The following RRP12 variants were observed in gnomAD, a reference collection of about 807,000 sequenced individuals.
RRP12 encodes the protein RRP12-like protein.
RRP12 carries 78 observed loss-of-function variants against 157.3 expected under a neutral mutation model. The ratio of observed to expected loss-of-function variants is 0.50; its 90% CI spans 0.41 to 0.60. The LOEUF (loss-of-function observed/expected upper bound fraction) is 0.60, where lower values mean the gene tolerates loss of function less well. RRP12 is among the 20% of genes least tolerant of loss of function. RRP12 has a pLI of 0.00. For synonymous variants in RRP12, 726 were observed against 670.9 expected, an observed-to-expected ratio of 1.08 and a Z score of -1.27; for missense variants, 1,521 against 1,679.9, an observed-to-expected ratio of 0.91 and a Z score of 1.65.
intron 2 of RRP12, among the ~76,000 whole-genome samples, chr10:97,397,904 G>T (rs1033910644): frequency 6.1e-5 from 9 of 147,008 alleles, no homozygotes; most frequent in Admixed American, 2.8e-4. Context: ...GACAAAGTGA[G>T]ACTCTGTCTG....
At chr10:97,394,401 A>G (rs754511122) in intron 3 of RRP12, among the ~76,000 whole-genome samples, 2 of 152,172 alleles carry the variant, frequency 1.3e-5, no homozygotes, top group Non-Finnish European at 2.9e-5. Flanking sequence ...ACAGAGATAG[A>G]TAGATAGTTT....
chr10:97,384,483 C>G (rs946694986), intron 10 of RRP12, among the ~76,000 whole-genome samples: 2 of 135,672 alleles, frequency 1.5e-5, no homozygotes, highest in African/African-American at 5.6e-5. Context: ...AGGATTCCCC[C>G]ACTTTGGCAG....
Position 97,358,537 on chromosome 10 carries a change from C to T in RRP12, c.3791G>A (p.Arg1264Lys), listed in dbSNP as rs1455091413. 6.2e-7 allele frequency: 1 copy of T among 1,613,062 alleles called. No individual in the cohort carries two copies. Among genetic ancestry groups the T allele is most frequent in the Admixed American group, 1.7e-5 (1 of 60,022 alleles). The change falls in exon 33 of 34, where the codon AGG (arginine) becomes AAG (lysine). Residue 1264 changes from arginine (R) to lysine (K), a missense_variant and splice_region_variant. Coordinates refer to ENST00000370992, the MANE Select transcript of RRP12 (RefSeq NM_015179.4). ...CAGCCTGCCTGGCACAGCGTCATAC[C>T]TGCGGTTGAGCTTGCTTCTGTTGAG... ...IPLNRSKLNRRKKMKLQGQFK... is the reference protein window; with the variant it reads ...IPLNRSKLNRKKKMKLQGQFK...
At chr10:97,368,444 G>A (rs938854622) in intron 25 of RRP12, among the ~76,000 whole-genome samples, 2 of 151,922 alleles carry the variant, frequency 1.3e-5, no homozygotes, top group Non-Finnish European at 2.9e-5. Context: ...TGCAACATCC[G>A]CCTCCCAGGT....
rs1303264882 is a variant in RRP12, at chr10:97,400,250, G to A, written c.369+55C>T. 6.8e-6 allele frequency: 9 copies of A among 1,316,924 alleles called. No individual in the cohort carries two copies. The East Asian group carries it at 1.8e-4, about 27-fold the overall frequency. The allele number at this position is 1,316,924 out of a possible 1,614,324, so 81.6% of individuals were successfully genotyped here. ...ACCTGTCGGCCAGAGCTGAAGAAAAGGCATGAGTTGGCCTCTCCTCACTAT... is the reference window on the plus strand; with the variant it reads ...ACCTGTCGGCCAGAGCTGAAGAAAAAGCATGAGTTGGCCTCTCCTCACTAT... On this transcript the variant is annotated intron_variant, in intron 2 of 33. Coordinates refer to ENST00000370992, the MANE Select transcript of RRP12 (RefSeq NM_015179.4).
rs756768493 is a variant in RRP12 at position 97,366,722 on chromosome 10, TG to T, written c.3215+19del. 3.1e-6 allele frequency: 5 copies of T among 1,607,604 alleles called. No individual in the cohort carries two copies. The East Asian group carries it at 1.1e-4, about 36-fold the overall frequency. On this transcript the variant is annotated intron_variant, in intron 27 of 33. Transcript: ENST00000370992. Reference sequence around the variant, plus strand: ...TGGGTTGGGGGGACACCGGGTCCCATGGCCCTAACATGGTCTCACCTGTCAC... The same window carrying T: ...TGGGTTGGGGGGACACCGGGTCCCATGCCCTAACATGGTCTCACCTGTCAC...
At chr10:97,378,241 G>C (rs10882909) in intron 15 of RRP12, among the ~76,000 whole-genome samples, 58,051 of 152,032 alleles carry the variant, frequency 0.38, 11,554 homozygotes, top group African/African-American at 0.5. Flanking sequence ...TCGCTTGACA[G>C]GGTGCGTTCT....
intron 29 of RRP12, among the ~76,000 whole-genome samples, chr10:97,364,802 G>A (rs1016473396): frequency 6.6e-6 from 1 of 152,176 alleles, no homozygotes; most frequent in African/African-American, 2.4e-5. Flanking sequence ...TAAAGGCTGA[G>A]GTGCCCAGGA....
chr10:97,364,894 C>T (rs1843931705), intron 29 of RRP12, among the ~76,000 whole-genome samples: 1 of 152,090 alleles, frequency 6.6e-6, no homozygotes, highest in Non-Finnish European at 1.5e-5. Context: ...GGGGTCCTGA[C>T]AGCCTCAGGA....
rs994690024 is a variant in RRP12, at chr10:97,366,439, T to C, written c.3391+7A>G. On this transcript the variant is annotated splice_region_variant and intron_variant, in intron 28 of 33. Coordinates refer to ENST00000370992, the MANE Select transcript of RRP12 (RefSeq NM_015179.4). ...TTTCTGAGTGCACTGGCCAGCCCTG[T>C]GCTTACCCAGGACTCGTTGGGCCAC... 3.1e-6 allele frequency: 5 copies of C among 1,607,626 alleles called. No individual in the cohort carries two copies. The highest frequency in any genetic ancestry group is 4.2e-6 in the Non-Finnish European group (5 of 1,176,806).
rs1268341269 is a variant in RRP12, at chr10:97,381,799, G to A, written c.1236C>T (p.His412=). ...CCGCAGTTCCAAAAAAGCGAGGGAG[G>A]TGGCCTAGCCCCAGGTCCCACTGCA... is the stretch of plus-strand genomic sequence containing the variant. ...VRLQWDLGLG[H]LPRFFGTAVT... Residue 412 remains histidine, a synonymous_variant, in exon 11 of 34, where the codon CAC becomes CAT. Transcript: ENST00000370992. 6.2e-7 allele frequency: 1 copy of A among 1,614,096 alleles called. No individual in the cohort carries two copies. Among genetic ancestry groups the A allele is most frequent in the Non-Finnish European group, 8.5e-7 (1 of 1,179,980 alleles).
intron 4 of RRP12, chr10:97,393,196 G>C (rs915009503): frequency 9.4e-6 from 4 of 426,100 alleles, no homozygotes; most frequent in Non-Finnish European, 1.4e-5. Context: ...ATTTTCAATA[G>C]AGCTTTCTGA....
In RRP12 at chr10:97,366,635, GC is replaced by G. The variant is rs778988445; in HGVS notation, c.3216-15del. 2 of 1,606,510 alleles carry G rather than the reference GC, an allele frequency of 1.2e-6. No individual in the cohort carries two copies. The highest frequency in any genetic ancestry group is 1.7e-5 in the Admixed American group (1 of 59,498). ...ATCTCCTCAATGCTAAGGACAAAAA[GC>G]CCCCAGTCAGAGTGCTCCCAGGAGA... On this transcript the variant is annotated splice_polypyrimidine_tract_variant and intron_variant, in intron 27 of 33. Transcript: ENST00000370992.
intron 33 of RRP12, 129 bp from the exon 34 acceptor site, chr10:97,357,325 T>C (rs1214491097): frequency 1.7e-6 from 1 of 605,550 alleles, no homozygotes. Flanking sequence ...GGCCAGCACA[T>C]GAACTAGGCA....
chr10:97,381,995 A>C (rs990236970), intron 10 of RRP12, among the ~76,000 whole-genome samples, 169 bp from the exon 11 acceptor site: 1 of 152,220 alleles, frequency 6.6e-6, no homozygotes, highest in Admixed American at 6.5e-5. Flanking sequence ...ACTATCGTTC[A>C]AGTAATAACT....
intron 4 of RRP12, among the ~76,000 whole-genome samples, chr10:97,392,739 G>A (rs1024336131): frequency 1.3e-5 from 2 of 149,020 alleles, no homozygotes; most frequent in Middle Eastern, 3.7e-3. Context: ...TGACAGGGCT[G>A]TAAGTGCAAT....
At chr10:97,381,284 G>A in intron 12 of RRP12, 102 bp downstream of exon 12, 1 of 847,202 alleles carries the variant, frequency 1.2e-6, no homozygotes, top group Non-Finnish European at 1.8e-6. Flanking sequence ...CACTGCCACT[G>A]CAGGCCTGGC....
chr10:97,357,685 G>A (rs943483752), intron 33 of RRP12, among the ~76,000 whole-genome samples: 12 of 152,260 alleles, frequency 7.9e-5, no homozygotes, highest in African/African-American at 2.2e-4. Context: ...ATGGCTGGGC[G>A]TGGTGGCTCA....
At chr10:97,395,311 G>A (rs918516109) in intron 3 of RRP12, among the ~76,000 whole-genome samples, 3 of 152,032 alleles carry the variant, frequency 2.0e-5, no homozygotes, top group Non-Finnish European at 2.9e-5. Flanking sequence ...AGCACTTTGG[G>A]AGGCTGAGGT....
Sources: gnomAD v4.1 joint callset for allele counts (sites outside exome capture counted in the v4.1 genomes callset) on GRCh38, gnomAD v4.1.1 for gene constraint, MANE v1.5 for transcripts, NCBI Gene and HGNC (gene_info 2026-07-23, HGNC 2026-07-21) for gene names.